Variants in ATP1B3 observed in about 807,000 individuals in gnomAD.
ATP1B3 encodes the protein sodium/potassium-transporting ATPase subunit beta-3.
In ATP1B3, 10 loss-of-function variants were observed where a neutral mutation model predicts 30.2. That is an observed-to-expected ratio of 0.33 (90% confidence interval 0.20 to 0.56). The LOEUF (loss-of-function observed/expected upper bound fraction) is 0.56, where lower values mean the gene tolerates loss of function less well. ATP1B3 is among the 20% of genes least tolerant of loss of function. The pLI is 0.90. For missense variants in ATP1B3, 238 were observed against 336.7 expected (o/e 0.71, Z 2.29); for synonymous variants, 113 against 117.0 (o/e 0.97, Z 0.22).
intron 1 of ATP1B3, among the ~76,000 whole-genome samples, chr3:141,901,671 A>G (rs1426034584): frequency 1.3e-5 from 2 of 151,608 alleles, no homozygotes; most frequent in Non-Finnish European, 3.0e-5. Context: ...ATTTGGATAT[A>G]GTTTGTTCAT....
At chr3:141,880,681 T>TGTTTCATG (rs1394649066) in intron 1 of ATP1B3, among the ~76,000 whole-genome samples, 2 of 152,206 alleles carry the variant, frequency 1.3e-5, no homozygotes, top group East Asian at 3.8e-4. Flanking sequence ...AAAAAAGTGT[T>TGTTTCATG]GTTTCATGAA....
intron 3 of ATP1B3, among the ~76,000 whole-genome samples, chr3:141,910,516 A>C (rs1289007039): frequency 6.6e-6 from 1 of 151,740 alleles, no homozygotes; most frequent in Non-Finnish European, 1.5e-5. Flanking sequence ...TTTTAGTTTC[A>C]TTATTGGTTG....
intron 1 of ATP1B3, among the ~76,000 whole-genome samples, chr3:141,889,750 A>AAAAAATAT (rs1553743802): frequency 5.1e-5 from 4 of 79,116 alleles, no homozygotes; most frequent in African/African-American, 1.9e-4. Flanking sequence ...AAAAAAAAAA[A>AAAAAATAT]ATATATACAC....
chr3:141,904,812 C>T (rs1357571350), intron 2 of ATP1B3, among the ~76,000 whole-genome samples: 4 of 146,182 alleles, frequency 2.7e-5, no homozygotes, highest in Admixed American at 7.1e-5. Flanking sequence ...CGGGTTCAAG[C>T]GATTCTCCTG....
intron 1 of ATP1B3, among the ~76,000 whole-genome samples, chr3:141,881,730 A>G (rs1223425762): frequency 2.0e-5 from 3 of 152,194 alleles, no homozygotes; most frequent in Admixed American, 6.6e-5. Flanking sequence ...CGTTCCAGTA[A>G]TGGAACACAG....
chr3:141,901,192 C>T (rs1934156725), intron 1 of ATP1B3, among the ~76,000 whole-genome samples: 1 of 152,172 alleles, frequency 6.6e-6, no homozygotes, highest in South Asian at 2.1e-4. Flanking sequence ...TTGCTGTTTT[C>T]TGCTTACATC....
chr3:141,879,180 GTGT>G (rs919859275), intron 1 of ATP1B3, among the ~76,000 whole-genome samples: 12 of 152,108 alleles, frequency 7.9e-5, no homozygotes, highest in African/African-American at 2.7e-4. Flanking sequence ...GGATCATAAA[GTGT>G]TGTTTTATAT....
At chr3:141,886,793 T>A (rs1933842814) in intron 1 of ATP1B3, among the ~76,000 whole-genome samples, 1 of 152,202 alleles carries the variant, frequency 6.6e-6, no homozygotes, top group African/African-American at 2.4e-5. Flanking sequence ...AGGCCAGGAA[T>A]TCAATACCAG....
intron 5 of ATP1B3, 86 bp from the exon 6 acceptor site, chr3:141,921,891 A>G: frequency 1.5e-6 from 1 of 678,680 alleles, no homozygotes; most frequent in Admixed American, 3.6e-5. Flanking sequence ...CAAACTGTTC[A>G]TGATTGATAT....
At chr3:141,917,212 C>A (rs2107778188) in intron 5 of ATP1B3, among the ~76,000 whole-genome samples, 1 of 152,118 alleles carries the variant, frequency 6.6e-6, no homozygotes, top group Non-Finnish European at 1.5e-5. Context: ...GTCTGAGGCC[C>A]ACATTTTGAG....
intron 3 of ATP1B3, among the ~76,000 whole-genome samples, chr3:141,907,650 A>C (rs944122683): frequency 1.3e-5 from 2 of 152,190 alleles, no homozygotes; most frequent in Non-Finnish European, 2.9e-5. Context: ...TCAAAAAAAA[A>C]AAAAGAGTCC....
intron 1 of ATP1B3, among the ~76,000 whole-genome samples, chr3:141,900,193 GACCAA>G (rs1386817692): frequency 6.6e-6 from 1 of 152,038 alleles, no homozygotes; most frequent in African/African-American, 2.4e-5. Flanking sequence ...CCCCCAGAAA[GACCAA>G]ACCAAGTCCC....
At chr3:141,925,217 A>C (rs1435851591) in intron 6 of ATP1B3, among the ~76,000 whole-genome samples, 1 of 152,202 alleles carries the variant, frequency 6.6e-6, no homozygotes, top group Non-Finnish European at 1.5e-5. Flanking sequence ...CTGTAATCCC[A>C]GCACTTTGGG....
intron 1 of ATP1B3, among the ~76,000 whole-genome samples, chr3:141,885,577 T>C (rs1256463628): frequency 6.6e-6 from 1 of 152,098 alleles, no homozygotes; most frequent in Non-Finnish European, 1.5e-5. Flanking sequence ...GCCTCCCGAG[T>C]AGCTGGAATT....
At chr3:141,888,507 C>T (rs1447812421) in intron 1 of ATP1B3, among the ~76,000 whole-genome samples, 1 of 151,940 alleles carries the variant, frequency 6.6e-6, no homozygotes, top group Non-Finnish European at 1.5e-5. Flanking sequence ...AGGTTTGTGT[C>T]ATTCCTTTTC....
At chr3:141,925,005 C>G (rs1173268855) in intron 6 of ATP1B3, among the ~76,000 whole-genome samples, 1 of 152,084 alleles carries the variant, frequency 6.6e-6, no homozygotes, top group Non-Finnish European at 1.5e-5. Flanking sequence ...TGGCTCACAC[C>G]TGTAATCCTA....
intron 1 of ATP1B3, among the ~76,000 whole-genome samples, chr3:141,880,582 G>A (rs1933702665): frequency 2.6e-5 from 4 of 151,602 alleles, no homozygotes; most frequent in African/African-American, 9.7e-5. Context: ...ACTAGTAGTG[G>A]GCCAAGTGTT....
chr3:141,885,415 G>A (rs1933808764), intron 1 of ATP1B3, among the ~76,000 whole-genome samples: 3 of 151,884 alleles, frequency 2.0e-5, no homozygotes, highest in Non-Finnish European at 4.4e-5. Context: ...TCAGGATCTG[G>A]TAGTGCCTTT....
intron 1 of ATP1B3, among the ~76,000 whole-genome samples, chr3:141,895,172 CT>C (rs1422471002): frequency 4.1e-5 from 6 of 144,688 alleles, no homozygotes; most frequent in Non-Finnish European, 7.5e-5. Flanking sequence ...GTTATTGTCT[CT>C]TTTTTCTTTC....
Sources: allele counts gnomAD v4.1 joint callset (sites outside exome capture counted in the v4.1 genomes callset), GRCh38; gene constraint gnomAD v4.1.1; transcripts MANE v1.5; gene names NCBI Gene and HGNC (gene_info 2026-07-23, HGNC 2026-07-21).